The following CALN1 variants were observed in gnomAD, a reference collection of about 807,000 sequenced individuals.
The protein encoded by CALN1 is calneuron 1.
CALN1 carries 17 observed loss-of-function variants against 30.6 expected under a neutral mutation model. The ratio of observed to expected loss-of-function variants is 0.56; its 90% CI spans 0.38 to 0.83. The LOEUF (loss-of-function observed/expected upper bound fraction) is 0.83. Ranked by LOEUF, CALN1 falls within the 40% of genes least tolerant of loss-of-function variation. The pLI is 0.00. For missense variants in CALN1, 291 were observed against 354.9 expected, an observed-to-expected ratio of 0.82 and a Z score of 1.45; for synonymous variants, 156 against 131.4, an observed-to-expected ratio of 1.19 and a Z score of -1.28.
At chr7:72,144,322 A>C (rs552625011) in intron 3 of CALN1, among the ~76,000 whole-genome samples, 38 of 152,324 alleles carry the variant, frequency 2.5e-4, no homozygotes, top group Non-Finnish European at 4.7e-4. Context: ...CAGGGGTTGC[A>C]ATCCTAGTCT....
At chr7:72,277,946 G>A (rs1450763305) in intron 3 of CALN1, among the ~76,000 whole-genome samples, 5 of 140,528 alleles carry the variant, frequency 3.6e-5, no homozygotes, top group African/African-American at 7.8e-5. Context: ...ATTCTGGTTT[G>A]ACCTCAGCCG....
intron 5 of CALN1, among the ~76,000 whole-genome samples, chr7:72,020,521 C>T (rs1307185175): frequency 1.3e-5 from 2 of 152,118 alleles, no homozygotes; most frequent in African/African-American, 4.8e-5. Context: ...AGGCTGATTA[C>T]TGAGAATTGA....
intron 5 of CALN1, among the ~76,000 whole-genome samples, chr7:71,931,221 T>C (rs1249150403): frequency 6.6e-6 from 1 of 152,232 alleles, no homozygotes; most frequent in Non-Finnish European, 1.5e-5. Flanking sequence ...AAGTTAGTTC[T>C]TCCTATCATC....
intron 2 of CALN1, among the ~76,000 whole-genome samples, chr7:72,298,445 C>G (rs914895162): frequency 6.6e-6 from 1 of 152,120 alleles, no homozygotes; most frequent in African/African-American, 2.4e-5. Context: ...TGATGAACTC[C>G]TCAGTGCTCT....
intron 5 of CALN1, among the ~76,000 whole-genome samples, chr7:71,881,247 G>A (rs1297472048): frequency 6.6e-6 from 1 of 152,072 alleles, no homozygotes; most frequent in Non-Finnish European, 1.5e-5. Flanking sequence ...TACTTTTGAG[G>A]TTTTGGGACT....
At chr7:72,149,829 A>C (rs1325697821) in intron 3 of CALN1, among the ~76,000 whole-genome samples, 1 of 152,026 alleles carries the variant, frequency 6.6e-6, no homozygotes, top group Non-Finnish European at 1.5e-5. Context: ...AGTTACCAGG[A>C]CAGGCCAGGC....
At chr7:72,314,672 C>T (rs570682756) in intron 2 of CALN1, among the ~76,000 whole-genome samples, 4 of 151,682 alleles carry the variant, frequency 2.6e-5, no homozygotes, top group Non-Finnish European at 5.9e-5. Context: ...GCCTTGTCTG[C>T]CCAAAGTGCT....
the CALN1 span, among the ~76,000 whole-genome samples, chr7:72,477,008 C>T: frequency 6.6e-6 from 1 of 152,184 alleles, no homozygotes; most frequent in Non-Finnish European, 1.5e-5. Context: ...GTTAGGAGTT[C>T]GAGACCAGCC....
rs1036093327 is a variant in CALN1, at chr7:71,960,051, T to C, written c.501+63606A>G. ...CTAGAGACTGAGGGAGGAGAATCAT[T>C]GAACCCAGGAGGTGGTGGTTGCAGT... On this transcript the variant is annotated intron_variant, in intron 5 of 6. Coordinates refer to ENST00000395275, the MANE Select transcript of CALN1 (RefSeq NM_031468.4). Among the ~76,000 whole-genome samples the C allele has an allele frequency of 8.6e-5, 13 of 151,664 alleles. 1 individual carries two copies. The South Asian group carries it at 1.5e-3, about 17-fold the overall frequency.
At chr7:72,119,907 C>A (rs1808258480) in intron 3 of CALN1, among the ~76,000 whole-genome samples, 1 of 152,162 alleles carries the variant, frequency 6.6e-6, no homozygotes. Context: ...ACAGCCAAAT[C>A]ATATGAGATA....
intron 3 of CALN1, among the ~76,000 whole-genome samples, chr7:72,118,906 G>A (rs1443782240): frequency 6.6e-6 from 1 of 152,118 alleles, no homozygotes; most frequent in Non-Finnish European, 1.5e-5. Context: ...CAAGGCAACT[G>A]CTCCTCCAAA....
At chr7:72,191,492 C>G (rs1366315641) in intron 3 of CALN1, among the ~76,000 whole-genome samples, 1 of 132,194 alleles carries the variant, frequency 7.6e-6, no homozygotes, top group Non-Finnish European at 1.5e-5. Context: ...ATCTCAACTA[C>G]ATGGGAGGCT....
At chr7:72,375,924 T>TC (rs1172015932) in intron 2 of CALN1, among the ~76,000 whole-genome samples, 1 of 152,180 alleles carries the variant, frequency 6.6e-6, no homozygotes, top group East Asian at 1.9e-4. Context: ...TTTCCCCTTC[T>TC]CCCCATCCCA....
In CALN1 at chr7:72,098,762, G is replaced by GCACA. The variant is rs1491515765; in HGVS notation, c.388+7388_388+7389insTGTG. ...CTCTGAGCAGTTCAGCCCATTTGGCGCGCACACACACACACACACACACAC... is the reference window on the plus strand; with the variant it reads ...CTCTGAGCAGTTCAGCCCATTTGGCGCACACGCACACACACACACACACACACAC... On this transcript the variant is annotated intron_variant, in intron 4 of 6. Coordinates refer to ENST00000395275, the MANE Select transcript of CALN1 (RefSeq NM_031468.4). Among the ~76,000 whole-genome samples the GCACA allele has an allele frequency of 7.2e-3, 833 of 115,374 alleles. 7 individuals carry two copies. Among genetic ancestry groups the GCACA allele is most frequent in the African/African-American group, 0.015 (449 of 29,526 alleles). The allele number at this position is 115,374 out of a possible 152,430, so 75.7% of individuals were successfully genotyped here. A position where few individuals can be genotyped will look rare whatever the true frequency, so the allele number is the denominator to read the frequency against.
chr7:72,346,411 T>TGAA (rs1270146613), intron 2 of CALN1, among the ~76,000 whole-genome samples: 1 of 152,226 alleles, frequency 6.6e-6, no homozygotes, highest in Non-Finnish European at 1.5e-5. Flanking sequence ...AACTGAAGGA[T>TGAA]GAAGATGTAA....
chr7:72,409,798 G>C (rs991299319), intron 1 of CALN1, among the ~76,000 whole-genome samples: 2 of 152,060 alleles, frequency 1.3e-5, no homozygotes, highest in Admixed American at 1.3e-4. Flanking sequence ...CCAATTCAAA[G>C]AATCACCAAG....
At chr7:72,064,653 G>C (rs537637970) in intron 4 of CALN1, among the ~76,000 whole-genome samples, 1 of 152,238 alleles carries the variant, frequency 6.6e-6, no homozygotes, top group South Asian at 2.1e-4. Context: ...TCTAACTCAA[G>C]GTCATCTCTT....
At chr7:72,446,147 T>C (rs1808520135) in intron 1 of CALN1, among the ~76,000 whole-genome samples, 1 of 152,144 alleles carries the variant, frequency 6.6e-6, no homozygotes, top group African/African-American at 2.4e-5. Flanking sequence ...GGGATGTCTG[T>C]GGAGTCATGT....
intron 2 of CALN1, among the ~76,000 whole-genome samples, chr7:72,298,989 T>C (rs183738460): frequency 7.9e-5 from 12 of 152,222 alleles, no homozygotes; most frequent in Non-Finnish European, 1.5e-5. Context: ...GTCCAGTCTC[T>C]GGTATGTCTT....
Sources: gnomAD v4.1 joint callset for allele counts (sites outside exome capture counted in the v4.1 genomes callset) on GRCh38, gnomAD v4.1.1 for gene constraint, MANE v1.5 for transcripts, NCBI Gene and HGNC (gene_info 2026-07-23, HGNC 2026-07-21) for gene names.